The following IQCK variants were observed in gnomAD, a reference collection of about 807,000 sequenced individuals.
IQCK encodes the protein IQ motif containing K.
In IQCK, 29 loss-of-function variants were observed where a neutral mutation model predicts 28.1. The observed-to-expected ratio is 1.03, with a 90% confidence interval of 0.77 to 1.41. The LOEUF is 1.41. Ranked by LOEUF, IQCK falls within the 40% of genes most tolerant of loss-of-function variation. The pLI is 0.00. For synonymous variants in IQCK, 113 were observed against 115.1 expected (o/e 0.98, Z 0.12); for missense variants, 359 against 314.7 (o/e 1.14, Z -1.07).
chr16:19,822,403 A>T (rs989904349), intron 7 of IQCK, among the ~76,000 whole-genome samples: 1 of 151,720 alleles, frequency 6.6e-6, no homozygotes, highest in African/African-American at 2.4e-5. Flanking sequence ...AAAAAAAAAA[A>T]AAGCAAAACA....
chr16:19,745,388 G>A (rs1352008795), intron 4 of IQCK, among the ~76,000 whole-genome samples: 2 of 152,144 alleles, frequency 1.3e-5, no homozygotes, highest in African/African-American at 4.8e-5. Flanking sequence ...CAAAAAGGAG[G>A]CCAGTATGTT....
At chr16:19,771,717 T>TA (rs766203853) in intron 6 of IQCK, among the ~76,000 whole-genome samples, 6 of 152,092 alleles carry the variant, frequency 3.9e-5, no homozygotes, top group Admixed American at 6.6e-5. Context: ...TATATAGATA[T>TA]AAAAAAATGT....
At chr16:19,822,137 C>T (rs541756242) in intron 7 of IQCK, among the ~76,000 whole-genome samples, 142 of 150,914 alleles carry the variant, frequency 9.4e-4, no homozygotes, top group African/African-American at 3.3e-3. Context: ...GCAGTAATCC[C>T]CGCACTTTGG....
intron 6 of IQCK, among the ~76,000 whole-genome samples, chr16:19,769,154 C>A (rs2055283656): frequency 6.6e-6 from 1 of 152,130 alleles, no homozygotes; most frequent in Non-Finnish European, 1.5e-5. Context: ...AAGATTTGGG[C>A]ACAAGAAGGA....
At chr16:19,849,837 G>A (rs2056459999) in intron 9 of IQCK, among the ~76,000 whole-genome samples, 1 of 152,126 alleles carries the variant, frequency 6.6e-6, no homozygotes, top group Non-Finnish European at 1.5e-5. Context: ...TTAAATGAAG[G>A]AGCCCAGTTT....
At chr16:19,833,782 C>T (rs936069554) in intron 9 of IQCK, among the ~76,000 whole-genome samples, 20 of 152,068 alleles carry the variant, frequency 1.3e-4, no homozygotes, top group African/African-American at 3.1e-4. Flanking sequence ...CTCATCTTAC[C>T]GCCCCACCTG....
chr16:19,740,826 G>A (rs1186921505), intron 4 of IQCK, among the ~76,000 whole-genome samples: 3 of 151,710 alleles, frequency 2.0e-5, no homozygotes, highest in South Asian at 2.1e-4. Context: ...AAAATTAGCC[G>A]GGCGTGGTGG....
downstream of IQCK, among the ~76,000 whole-genome samples, chr16:19,831,872 C>T (rs1169761240): frequency 2.0e-5 from 3 of 152,102 alleles, no homozygotes; most frequent in Non-Finnish European, 4.4e-5. Context: ...GCCTGTCTCA[C>T]ATTACAGTGA....
downstream of IQCK, among the ~76,000 whole-genome samples, chr16:19,830,651 G>A (rs2056219950): frequency 6.6e-6 from 1 of 152,198 alleles, no homozygotes. Context: ...AAGGAAGTCA[G>A]GACAGCAGAA....
At chr16:19,751,312 A>G (rs939359462) in intron 4 of IQCK, among the ~76,000 whole-genome samples, 3 of 151,876 alleles carry the variant, frequency 2.0e-5, no homozygotes, top group African/African-American at 7.3e-5. Flanking sequence ...GGGCAACCCC[A>G]TCTCTACAAA....
intron 1 of IQCK, among the ~76,000 whole-genome samples, chr16:19,724,302 C>A (rs530338236): frequency 6.6e-6 from 1 of 152,256 alleles, no homozygotes; most frequent in Non-Finnish European, 1.5e-5. Context: ...AAGCCCTCTA[C>A]AGCAATACTT....
chr16:19,801,554 C>G (rs1339228155), intron 7 of IQCK, among the ~76,000 whole-genome samples: 1 of 147,280 alleles, frequency 6.8e-6, no homozygotes, highest in Non-Finnish European at 1.5e-5. Flanking sequence ...ATCCTCCCTT[C>G]TTGTCCTCCC....
At chr16:19,722,821 A>G (rs974656090) in intron 1 of IQCK, among the ~76,000 whole-genome samples, 8 of 152,058 alleles carry the variant, frequency 5.3e-5, no homozygotes, top group African/African-American at 1.9e-4. Context: ...GGTTCAAGCA[A>G]TTCCCCCACC....
chr16:19,726,606 C>A (rs1256721974), intron 1 of IQCK, among the ~76,000 whole-genome samples: 2 of 152,070 alleles, frequency 1.3e-5, no homozygotes, highest in South Asian at 4.2e-4. Flanking sequence ...TGTGGCACAT[C>A]ATGTATGTAG....
intron 9 of IQCK, among the ~76,000 whole-genome samples, chr16:19,849,515 G>A (rs549909328): frequency 1.7e-4 from 26 of 151,722 alleles, no homozygotes; most frequent in South Asian, 1.0e-3. Context: ...TAATCTCAGC[G>A]CTTTGGGAGG....
At chr16:19,737,386 C>T (rs1274960733) in intron 4 of IQCK, among the ~76,000 whole-genome samples, 2 of 152,104 alleles carry the variant, frequency 1.3e-5, no homozygotes, top group African/African-American at 2.4e-5. Flanking sequence ...CCCGATGTTT[C>T]CTCAGCAATG....
chr16:19,819,882 A>C (rs1396300976), intron 7 of IQCK, among the ~76,000 whole-genome samples: 1 of 141,254 alleles, frequency 7.1e-6, no homozygotes, highest in East Asian at 2.1e-4. Flanking sequence ...GTTTAACTTG[A>C]AAAAAAAAAA....
intron 6 of IQCK, 167 bp downstream of exon 6, chr16:19,764,279 C>T: frequency 1.8e-6 from 1 of 549,538 alleles, no homozygotes; most frequent in South Asian, 3.2e-5. Flanking sequence ...CTAACCTTAT[C>T]CTAATCAGGC....
chr16:19,844,149 G>A (rs909833206), intron 9 of IQCK, among the ~76,000 whole-genome samples: 2 of 150,006 alleles, frequency 1.3e-5, no homozygotes, highest in African/African-American at 2.5e-5. Context: ...GCACGACCTC[G>A]GCTCACTGCA....
Sources: gnomAD v4.1 joint callset for allele counts (sites outside exome capture counted in the v4.1 genomes callset) on GRCh38, gnomAD v4.1.1 for gene constraint, MANE v1.5 for transcripts, NCBI Gene and HGNC (gene_info 2026-07-23, HGNC 2026-07-21) for gene names.